The following TRAPPC10 variants were observed in gnomAD, a reference collection of about 807,000 sequenced individuals.
The protein encoded by TRAPPC10 is trafficking protein particle complex subunit 10, also known as TRAPP 130 kDa subunit.
TRAPPC10 carries 23 observed loss-of-function variants against 125.5 expected under a neutral mutation model. That is an observed-to-expected ratio of 0.18 (90% CI 0.13 to 0.26). The LOEUF (loss-of-function observed/expected upper bound fraction) is 0.26. Among genes scored for constraint, TRAPPC10 ranks in the 10% least tolerant of loss-of-function variants. The probability of loss-of-function intolerance (pLI) is 1.00; values close to 1 mark genes in which losing one functional copy is unlikely to be tolerated. For missense variants in TRAPPC10, 1,123 were observed against 1,308.4 expected (o/e 0.86, Z 2.19); for synonymous variants, 509 against 518.0 (o/e 0.98, Z 0.24).
chr21:44,014,383 A>AT (rs11413186), intron 1 of TRAPPC10, among the ~76,000 whole-genome samples: 53,496 of 146,316 alleles, frequency 0.37, 13,183 homozygotes, highest in African/African-American at 0.71. Flanking sequence ...AGCAGAGTGA[A>AT]TTTTTTTTTT....
chr21:44,040,590 C>T (rs550748269), intron 3 of TRAPPC10, among the ~76,000 whole-genome samples: 2 of 152,134 alleles, frequency 1.3e-5, no homozygotes, highest in Admixed American at 6.6e-5. Flanking sequence ...CACCTGCCTC[C>T]ACCTCCCAAA....
chr21:44,074,239 C>T (rs1479646162), intron 7 of TRAPPC10, 85 bp from the exon 8 acceptor site: 3 of 1,545,766 alleles, frequency 1.9e-6, no homozygotes, highest in African/African-American at 1.4e-5. Flanking sequence ...GAGGGTTTTG[C>T]ACGTTCAAGC....
At chr21:44,030,851 C>A (rs1017484365) in intron 1 of TRAPPC10, among the ~76,000 whole-genome samples, 9 of 152,196 alleles carry the variant, frequency 5.9e-5, no homozygotes, top group Admixed American at 5.2e-4. Flanking sequence ...TTTGTGTTAA[C>A]AAAATGTAGT....
At chr21:44,017,919 T>C (rs895740413) in intron 1 of TRAPPC10, among the ~76,000 whole-genome samples, 5 of 152,154 alleles carry the variant, frequency 3.3e-5, no homozygotes, top group Non-Finnish European at 7.3e-5. Flanking sequence ...ATTTAAAATA[T>C]CTCTTGGTGC....
In TRAPPC10 at chr21:44,083,092, G is replaced by A. The variant is rs774873738; in HGVS notation, c.2028G>A (p.Leu676=). 4 of 1,614,012 alleles carry A rather than the reference G, an allele frequency of 2.5e-6. No individual in the cohort carries two copies. In the African/African-American group the frequency reaches 5.3e-5, roughly 22 times the overall value. ...VSQNSLPALE[L]YEMFERSPSD... ...AAAACAGTTTGCCCGCGCTGGAGTT[G>A]TATGAAATGTTTGAGAGAAGCCCAT... Residue 676 remains leucine (L), a synonymous_variant, in exon 14 of 23, where the codon TTG becomes TTA. Transcript: ENST00000291574.
intron 1 of TRAPPC10, among the ~76,000 whole-genome samples, chr21:44,024,158 A>G (rs955860275): frequency 8.5e-5 from 13 of 152,326 alleles, no homozygotes; most frequent in South Asian, 2.1e-4. Context: ...ATGAAAACTC[A>G]GGGCTGCAGG....
Position 44,087,830 on chromosome 21 carries a change from C to G in TRAPPC10, c.2671C>G (p.Leu891Val), listed in dbSNP as rs1277338191. 14 of 1,614,236 alleles carry G rather than the reference C, an allele frequency of 8.7e-6. No individual in the cohort carries two copies. Among genetic ancestry groups the G allele is most frequent in the Middle Eastern group, 1.6e-4 (1 of 6,062 alleles). Residue 891 changes from leucine to valine, a missense_variant, in exon 17 of 23, where the codon CTC becomes GTC. Around this residue, in one of 4 missense-constraint regions of TRAPPC10, gnomAD observed 840 missense variants for 902.0 expected, o/e 0.93. Transcript: ENST00000291574. This position sits in a 1 kb window ranked among gnomAD's most constrained non-coding sequence, Gnocchi z 4.6. The stretch of plus-strand genomic sequence containing the variant: ...TCTCTCTTTACCTTCAGCCCCAGCA[C>G]TCGGAGGGGAGAGTGACATGCTGGG... ...EVLSLPSAPA[L>V]GGESDMLGMA...
chr21:44,087,758 C>T lies in TRAPPC10; in HGVS notation c.2599C>T (p.Leu867=), dbSNP rs1385897270. 2.5e-6 allele frequency: 4 copies of T among 1,614,242 alleles called. No homozygotes were observed. Among genetic ancestry groups the T allele is most frequent in the African/African-American group, 2.7e-5 (2 of 75,072 alleles). Residue 867 remains leucine, a synonymous_variant, in exon 17 of 23, where the codon CTG becomes TTG. Transcript: ENST00000291574. The surrounding 1 kb of genome is among the most constrained non-coding windows in gnomAD (Gnocchi z 4.6). ...CTCCGACAAGGTCACGAGCATCAGT[C>T]TGCCTGTTGCGCCTGCGTACCACGT... ...QSSDKVTSIS[L]PVAPAYHVIE...
intron 3 of TRAPPC10, among the ~76,000 whole-genome samples, chr21:44,039,105 G>C (rs185115158): frequency 6.6e-6 from 1 of 152,224 alleles, no homozygotes. Context: ...CTGGCGTGGG[G>C]CTGTTGTCCC....
chr21:44,089,511 G>C, intron 17 of TRAPPC10: 1 of 485,278 alleles, frequency 2.1e-6, no homozygotes, highest in South Asian at 1.5e-5. Flanking sequence ...ATGGCTCCGC[G>C]GCCCTGCGTG....
Position 44,063,717 on chromosome 21 carries a change from C to T in TRAPPC10, c.970C>T (p.Pro324Ser), listed in dbSNP as rs141968560. 538 of 1,614,058 alleles carry T rather than the reference C, an allele frequency of 3.3e-4. No homozygotes were observed. Among genetic ancestry groups the T allele is most frequent in the Non-Finnish European group, 4.2e-4 (501 of 1,180,046 alleles). Residue 324 changes from proline (P) to serine (S), a missense_variant, in exon 7 of 23, where the codon CCG becomes TCG. Around this residue, in one of 4 missense-constraint regions of TRAPPC10, gnomAD observed 91 missense variants for 127.1 expected, o/e 0.72. Coordinates refer to ENST00000291574, the MANE Select transcript of TRAPPC10 (RefSeq NM_003274.5). The surrounding 1 kb of genome is among the most constrained non-coding windows in gnomAD (Gnocchi z 4.4). ...CACCTTGCTGCTCTTCCTGCAGAGG[C>T]CGTGGGAGGTGGCCCAGCGCGCCCT... is the stretch of plus-strand genomic sequence containing the variant. Reference protein sequence around the residue: ...QCTLLLFLQRPWEVAQRALEL... With the variant: ...QCTLLLFLQRSWEVAQRALEL...
At chr21:44,042,538 G>A (rs937392948) in intron 3 of TRAPPC10, among the ~76,000 whole-genome samples, 1 of 152,144 alleles carries the variant, frequency 6.6e-6, no homozygotes, top group African/African-American at 2.4e-5. Context: ...GAATTTGACT[G>A]TTGTGTGACC....
intron 7 of TRAPPC10, among the ~76,000 whole-genome samples, chr21:44,069,821 C>T (rs1012659029): frequency 1.3e-5 from 2 of 151,952 alleles, no homozygotes; most frequent in East Asian, 1.9e-4. Flanking sequence ...CAGTGATGAA[C>T]GTGAATGGGT....
chr21:44,023,160 G>A (rs931048412), intron 1 of TRAPPC10, among the ~76,000 whole-genome samples: 9 of 149,454 alleles, frequency 6.0e-5, no homozygotes, highest in African/African-American at 1.7e-4. Context: ...AGCCTCCCGA[G>A]TAGCTGGGAC....
intron 1 of TRAPPC10, among the ~76,000 whole-genome samples, chr21:44,015,458 C>T (rs1045090082): frequency 6.6e-6 from 1 of 152,088 alleles, no homozygotes; most frequent in Non-Finnish European, 1.5e-5. Flanking sequence ...CGCTCTGTCA[C>T]CTAGGCTAGA....
chr21:44,043,371 C>A (rs570326014), intron 3 of TRAPPC10, among the ~76,000 whole-genome samples: 14 of 151,816 alleles, frequency 9.2e-5, no homozygotes, highest in African/African-American at 3.4e-4. Context: ...CCACCACCAC[C>A]CCTGGCTAAT....
chr21:44,090,828 A>G (rs1281838585), intron 18 of TRAPPC10, among the ~76,000 whole-genome samples: 1 of 152,188 alleles, frequency 6.6e-6, no homozygotes, highest in African/African-American at 2.4e-5. Context: ...TTCCCCTTCA[A>G]ATCACAGCAA....
At chr21:44,028,792 T>C (rs181591420) in intron 1 of TRAPPC10, among the ~76,000 whole-genome samples, 1 of 152,198 alleles carries the variant, frequency 6.6e-6, no homozygotes, top group African/African-American at 2.4e-5. Context: ...ACAGGGTTTC[T>C]GAGTGTGGGC....
chr21:44,056,484 T>C (rs1269022799), intron 5 of TRAPPC10, among the ~76,000 whole-genome samples: 1 of 152,096 alleles, frequency 6.6e-6, no homozygotes. Context: ...GGAAACCAGG[T>C]ACATACCACC....
Sources: gnomAD v4.1 joint callset for allele counts (sites outside exome capture counted in the v4.1 genomes callset) on GRCh38, gnomAD v4.1.1 for gene constraint, gnomAD v4.1.1 regional missense constraint, Gnocchi (gnomAD v3.1) non-coding constraint, MANE v1.5 for transcripts, NCBI Gene and HGNC (gene_info 2026-07-23, HGNC 2026-07-21) for gene names.